Variants in ARHGAP31 observed in about 807,000 individuals in gnomAD.
ARHGAP31 encodes rho GTPase-activating protein 31.
A neutral mutation model predicts 113.9 loss-of-function variants in ARHGAP31; 34 were observed. The observed-to-expected ratio is 0.30, with a 90% CI of 0.23 to 0.40. The LOEUF is 0.40. Among genes scored for constraint, ARHGAP31 ranks in the 10% least tolerant of loss-of-function variants. The probability of loss-of-function intolerance (pLI) is 1.00; values close to 1 mark genes in which losing one functional copy is unlikely to be tolerated. For synonymous variants in ARHGAP31, 650 were observed against 684.8 expected, an observed-to-expected ratio of 0.95 and a Z score of 0.79; for missense variants, 1,548 against 1,767.1, an observed-to-expected ratio of 0.88 and a Z score of 2.22.
At chr3:119,403,121 C>T (rs1464931934) in intron 10 of ARHGAP31, among the ~76,000 whole-genome samples, 1 of 152,098 alleles carries the variant, frequency 6.6e-6, no homozygotes, top group Non-Finnish European at 1.5e-5. Flanking sequence ...GCAGGGAGAA[C>T]CCCAAAGGAA....
At position 119,416,380 on chromosome 3, in the gene ARHGAP31, G is replaced by A; in HGVS notation, c.*116G>A. On this transcript the variant is annotated 3_prime_UTR_variant, in exon 12 of 12. Coordinates refer to ENST00000264245, the MANE Select transcript of ARHGAP31 (RefSeq NM_020754.4). Reference sequence around the variant, plus strand: ...CAAGTTTGGGCCTATTGTGGCCTCTGACTTCTCTTTCTTCAGCCTTTTGAC... The same window carrying A: ...CAAGTTTGGGCCTATTGTGGCCTCTAACTTCTCTTTCTTCAGCCTTTTGAC... The A allele has an allele frequency of 6.9e-7, 1 of 1,448,014 alleles. No homozygotes were observed. The allele number at this position is 1,448,014 out of a possible 1,614,324, so 89.7% of individuals were successfully genotyped here. A position where few individuals can be genotyped will look rare whatever the true frequency, so the allele number is the denominator to read the frequency against.
At chr3:119,378,034 C>A (rs1426719094) in intron 3 of ARHGAP31, among the ~76,000 whole-genome samples, 2 of 152,114 alleles carry the variant, frequency 1.3e-5, no homozygotes, top group Non-Finnish European at 2.9e-5. Flanking sequence ...GACAAGAGCC[C>A]AGCCTCTGCC....
intron 10 of ARHGAP31, among the ~76,000 whole-genome samples, chr3:119,408,154 A>G (rs1409990864): frequency 2.0e-5 from 3 of 152,220 alleles, no homozygotes; most frequent in Non-Finnish European, 4.4e-5. Context: ...GCCATTTTAT[A>G]TCAGGGACTT....
intron 1 of ARHGAP31, among the ~76,000 whole-genome samples, chr3:119,344,600 C>A (rs935034731): frequency 5.9e-5 from 9 of 152,184 alleles, no homozygotes; most frequent in African/African-American, 1.9e-4. Flanking sequence ...GGCCACTGTT[C>A]CAAGCACTTC....
At chr3:119,331,720 A>G (rs2079893277) in intron 1 of ARHGAP31, among the ~76,000 whole-genome samples, 1 of 152,232 alleles carries the variant, frequency 6.6e-6, no homozygotes, top group African/African-American at 2.4e-5. Flanking sequence ...TGAGATTGAT[A>G]AAATATGATT....
At chr3:119,327,469 C>T (rs563580393) in intron 1 of ARHGAP31, among the ~76,000 whole-genome samples, 9 of 152,176 alleles carry the variant, frequency 5.9e-5, no homozygotes, top group Admixed American at 4.6e-4. Flanking sequence ...CGCTTGAACC[C>T]AGGAGGCGGA....
chr3:119,401,790 C>G, intron 9 of ARHGAP31, 32 bp from the exon 10 acceptor site: 1 of 1,606,156 alleles, frequency 6.2e-7, no homozygotes, highest in Non-Finnish European at 8.5e-7. Flanking sequence ...TGTGCCCCGG[C>G]TGCTGACCAT....
rs1267920064 is a variant in ARHGAP31, at chr3:119,416,650, T to C, written c.*386T>C. On this transcript the variant is annotated 3_prime_UTR_variant, in exon 12 of 12. Transcript: ENST00000264245. ...TAATGTTCTTTGAAAGAAAGAAAAA[T>C]CTCTTGCTGTGTCAAACCTCAAAAT... 2 of 297,856 alleles carry C rather than the reference T, an allele frequency of 6.7e-6. No homozygotes were observed. The highest frequency in any genetic ancestry group is 4.4e-5 in the African/African-American group (2 of 45,508). The allele number at this position is 297,856 out of a possible 1,614,324, so 18.5% of individuals were successfully genotyped here.
chr3:119,397,691 C>T (rs1263894524), intron 8 of ARHGAP31, among the ~76,000 whole-genome samples: 4 of 152,300 alleles, frequency 2.6e-5, no homozygotes, highest in South Asian at 2.1e-4. Flanking sequence ...CAGAACCTCC[C>T]AGAAGGAGCA....
intron 1 of ARHGAP31, among the ~76,000 whole-genome samples, chr3:119,354,561 G>A (rs1168617486): frequency 1.3e-5 from 2 of 151,716 alleles, no homozygotes; most frequent in African/African-American, 4.8e-5. Flanking sequence ...AGGCTAAAGT[G>A]CAGTGGTGCC....
Position 119,416,320 on chromosome 3 carries a change from C to G in ARHGAP31, c.*56C>G, listed in dbSNP as rs1288730425. On this transcript the variant is annotated 3_prime_UTR_variant, in exon 12 of 12. Transcript: ENST00000264245. Reference sequence around the variant, plus strand: ...ACCGTGATTCATCTGGAAGTTATTACAGGGCCAGCTTGCCATATTCCAGGC... The same window carrying G: ...ACCGTGATTCATCTGGAAGTTATTAGAGGGCCAGCTTGCCATATTCCAGGC... 1 of 1,604,834 alleles carries G rather than the reference C, an allele frequency of 6.2e-7. No homozygotes were observed.
intron 1 of ARHGAP31, among the ~76,000 whole-genome samples, chr3:119,322,912 A>G (rs2107603312): frequency 6.6e-6 from 1 of 152,108 alleles, no homozygotes; most frequent in East Asian, 1.9e-4. Context: ...GGCTCCTTCC[A>G]CGTCCTTGTC....
At chr3:119,348,626 C>T (rs2080083722) in intron 1 of ARHGAP31, among the ~76,000 whole-genome samples, 1 of 152,200 alleles carries the variant, frequency 6.6e-6, no homozygotes, top group Non-Finnish European at 1.5e-5. Context: ...TATGCACATC[C>T]TCTCGTATAC....
chr3:119,375,069 G>A (rs2080335391), intron 3 of ARHGAP31, among the ~76,000 whole-genome samples: 1 of 152,000 alleles, frequency 6.6e-6, no homozygotes, highest in Non-Finnish European at 1.5e-5. Flanking sequence ...GTTATTTCTG[G>A]GTGATGTGAT....
Position 119,418,617 on chromosome 3 carries a change from G to A in ARHGAP31, c.*2353G>A, listed in dbSNP as rs980884434. ...CTATTTTTATTTGGGGATAGACTGA[G>A]AAGCCACCATTTACATATTAACAAG... On this transcript the variant is annotated 3_prime_UTR_variant, in exon 12 of 12. Transcript: ENST00000264245. 59 of 152,202 alleles carry A rather than the reference G, an allele frequency of 3.9e-4. 1 individual carries two copies. Among genetic ancestry groups the A allele is most frequent in the African/African-American group, 1.3e-3 (55 of 41,448 alleles). 9.4% of individuals were successfully genotyped at this position (152,202 alleles called of 1,614,324 possible). A position where few individuals can be genotyped will look rare whatever the true frequency, so the allele number is the denominator to read the frequency against.
chr3:119,400,311 C>T (rs111502786), intron 9 of ARHGAP31, among the ~76,000 whole-genome samples: 19,854 of 151,976 alleles, frequency 0.13, 1,384 homozygotes, highest in South Asian at 0.18. Context: ...TGGTGCATGC[C>T]TATAATTCCA....
rs553753540 is a variant in ARHGAP31 at position 119,294,807 on chromosome 3, C to T, written c.-98C>T. 2.6e-5 allele frequency: 30 copies of T among 1,167,290 alleles called. No homozygotes were observed. The highest frequency in any genetic ancestry group is 3.6e-5 in the Non-Finnish European group (28 of 779,502). 72.3% of individuals were successfully genotyped at this position (1,167,290 alleles called of 1,614,324 possible). On this transcript the variant is annotated 5_prime_UTR_variant, in exon 1 of 12. Transcript: ENST00000264245. ...ATCTTCCGATGCGGCCCCCCAGAGC[C>T]GCGGGGCAGCCGGTGATCTAGCCCG...
chr3:119,348,619 G>A (rs897795611), intron 1 of ARHGAP31, among the ~76,000 whole-genome samples: 2 of 152,144 alleles, frequency 1.3e-5, no homozygotes, highest in Admixed American at 1.3e-4. Flanking sequence ...TGTAATCTAT[G>A]CACATCCTCT....
chr3:119,366,112 A>C (rs2080250719), intron 2 of ARHGAP31, among the ~76,000 whole-genome samples: 1 of 152,070 alleles, frequency 6.6e-6, no homozygotes, highest in African/African-American at 2.4e-5. Flanking sequence ...TATAGAAAAC[A>C]GAGTATATAT....
Sources: gnomAD v4.1 joint callset for allele counts (sites outside exome capture counted in the v4.1 genomes callset) on GRCh38, gnomAD v4.1.1 for gene constraint, MANE v1.5 for transcripts, NCBI Gene and HGNC (gene_info 2026-07-23, HGNC 2026-07-21) for gene names.